Variants in EXD2 observed in about 807,000 individuals in gnomAD.
EXD2 encodes exonuclease 3'-5' domain-containing protein 2.
In EXD2, 40 loss-of-function variants were observed where a neutral mutation model predicts 62.5. That is an observed-to-expected ratio of 0.64 (90% CI 0.50 to 0.83). The LOEUF (loss-of-function observed/expected upper bound fraction) is 0.83, where lower values mean the gene tolerates loss of function less well. EXD2 is among the 40% of genes least tolerant of loss of function. The probability of loss-of-function intolerance (pLI) is 0.00; values close to 1 mark genes in which losing one functional copy is unlikely to be tolerated. For synonymous variants in EXD2, 239 were observed against 291.9 expected, an observed-to-expected ratio of 0.82 and a Z score of 1.85; for missense variants, 671 against 761.8, an observed-to-expected ratio of 0.88 and a Z score of 1.40.
At chr14:69,204,652 G>A (rs1418316473) in intron 2 of EXD2, among the ~76,000 whole-genome samples, 2 of 152,072 alleles carry the variant, frequency 1.3e-5, no homozygotes, top group Non-Finnish European at 2.9e-5. Flanking sequence ...CGAAAAGCTT[G>A]GATCCCAGAG....
intron 4 of EXD2, among the ~76,000 whole-genome samples, chr14:69,229,289 C>T (rs1225616609): frequency 2.6e-5 from 4 of 152,218 alleles, no homozygotes; most frequent in Non-Finnish European, 4.4e-5. Context: ...ACTGAGGGAT[C>T]TCTGTAAGCT....
rs1819570901 is a variant in EXD2, at chr14:69,240,158, G to C, written c.1650-726G>C. Among the ~76,000 whole-genome samples, 3 of 152,218 alleles carry C rather than the reference G, an allele frequency of 2.0e-5. No homozygotes were observed. In the South Asian group the frequency reaches 6.2e-4, roughly 32 times the overall value. On this transcript the variant is annotated intron_variant, in intron 9 of 9. Transcript: ENST00000685843. Reference sequence around the variant, plus strand: ...ATTGAACATGGGGTATGGATGTAGGGAGAGGAGAGTGTGTGTGGGCAGGGT... The same window carrying C: ...ATTGAACATGGGGTATGGATGTAGGCAGAGGAGAGTGTGTGTGGGCAGGGT...
chr14:69,241,228 C>T lies in EXD2; in HGVS notation c.*128C>T. ...ACACAACTCAGAATACTAACCTAGA[C>T]TAATCCCAGGATGCTTCTGCTGGAG... is the stretch of plus-strand genomic sequence containing the variant. On this transcript the variant is annotated 3_prime_UTR_variant, in exon 10 of 10. Coordinates refer to ENST00000685843, the MANE Select transcript of EXD2 (RefSeq NM_001193360.2). 1 of 717,292 alleles carries T rather than the reference C, an allele frequency of 1.4e-6. No homozygotes were observed. The highest frequency in any genetic ancestry group is 2.3e-6 in the Non-Finnish European group (1 of 442,910). 44.4% of individuals were successfully genotyped at this position (717,292 alleles called of 1,614,324 possible). A position where few individuals can be genotyped will look rare whatever the true frequency, so the allele number is the denominator to read the frequency against.
rs535298009 is a variant in EXD2, at chr14:69,243,839, C to A, written c.*2739C>A. 2 of 152,264 alleles carry A rather than the reference C, an allele frequency of 1.3e-5. No individual in the cohort carries two copies. The highest frequency in any genetic ancestry group is 1.3e-4 in the Admixed American group (2 of 15,296). 9.4% of individuals were successfully genotyped at this position (152,264 alleles called of 1,614,324 possible). A position where few individuals can be genotyped will look rare whatever the true frequency, so the allele number is the denominator to read the frequency against. On this transcript the variant is annotated 3_prime_UTR_variant, in exon 10 of 10. Coordinates refer to ENST00000685843, the MANE Select transcript of EXD2 (RefSeq NM_001193360.2). ...TGAGAGGACAGTGTCACAGCAAGGG[C>A]CTCTCTGCATGCTCCCTGATCATTG... is the stretch of plus-strand genomic sequence containing the variant.
intron 1 of EXD2, 168 bp downstream of exon 1, chr14:69,191,759 TCC>T (rs1442510647): frequency 2.0e-5 from 3 of 152,356 alleles, no homozygotes; most frequent in African/African-American, 7.2e-5. Flanking sequence ...CCTGCCCCTC[TCC>T]CCGCCCCTCG....
At chr14:69,237,992 A>C in intron 9 of EXD2, 61 bp downstream of exon 9, 2 of 1,445,680 alleles carry the variant, frequency 1.4e-6, no homozygotes, top group South Asian at 1.4e-5. Context: ...CTTAGTGAGA[A>C]TGCTTGCCAG....
intron 2 of EXD2, among the ~76,000 whole-genome samples, chr14:69,206,747 G>T (rs1274228506): frequency 1.3e-5 from 2 of 152,174 alleles, no homozygotes; most frequent in East Asian, 3.8e-4. Flanking sequence ...CTCCCAAAGT[G>T]CTGGGATTAC....
chr14:69,213,432 G>C (rs555908988), intron 3 of EXD2, among the ~76,000 whole-genome samples: 8 of 129,490 alleles, frequency 6.2e-5, no homozygotes, highest in Admixed American at 5.2e-4. Context: ...GTGCAGTTGT[G>C]TGAGCATGGC....
chr14:69,235,181 A>G, intron 6 of EXD2, 150 bp downstream of exon 6: 1 of 640,180 alleles, frequency 1.6e-6, no homozygotes, highest in Non-Finnish European at 2.6e-6. Flanking sequence ...CATCAGAGAC[A>G]TTTGGTCTCT....
chr14:69,239,769 T>G (rs1020055893), intron 9 of EXD2, among the ~76,000 whole-genome samples: 2 of 152,164 alleles, frequency 1.3e-5, no homozygotes, highest in African/African-American at 4.8e-5. Flanking sequence ...ACACGGCTAA[T>G]TTTTGTATTT....
chr14:69,199,398 G>A (rs956562642), intron 1 of EXD2, among the ~76,000 whole-genome samples: 20 of 152,166 alleles, frequency 1.3e-4, no homozygotes, highest in African/African-American at 4.6e-4. Context: ...TTATAAACAC[G>A]TGTGTATTTA....
chr14:69,207,447 T>C lies in EXD2; in HGVS notation c.-47-1977T>C, dbSNP rs1284795595. On this transcript the variant is annotated intron_variant, in intron 2 of 9. Coordinates refer to ENST00000685843, the MANE Select transcript of EXD2 (RefSeq NM_001193360.2). The stretch of plus-strand genomic sequence containing the variant: ...AGGCGGATACTGCAGTGAGCCGAGA[T>C]CATGCCACTGCACACAGGTCTGGGC... Among the ~76,000 whole-genome samples, 3 of 152,066 alleles carry C rather than the reference T, an allele frequency of 2.0e-5. No homozygotes were observed. The East Asian group carries it at 5.8e-4, about 29-fold the overall frequency.
intron 3 of EXD2, among the ~76,000 whole-genome samples, chr14:69,214,417 C>T (rs1175615352): frequency 1.3e-5 from 2 of 152,278 alleles, no homozygotes; most frequent in East Asian, 1.9e-4. Flanking sequence ...TCATTATATA[C>T]GATTTCTTCT....
In EXD2 at chr14:69,236,097, C is replaced by T; in HGVS notation, c.1101C>T (p.Pro367=). 1 of 1,614,146 alleles carries T rather than the reference C, an allele frequency of 6.2e-7. No homozygotes were observed. The highest frequency in any genetic ancestry group is 8.5e-7 in the Non-Finnish European group (1 of 1,180,036). The change falls in exon 7 of 10, where the codon CCC becomes CCT. Residue 367 remains proline, a synonymous_variant. Transcript: ENST00000685843. ...TTCTCCATGCTCCTGATGGACAGCC[C>T]CTCTGCACTTGTGATAGAAGAAAAG... The part of the protein sequence containing the change: ...NCFLHAPDGQ[P]LCTCDRRKAQ...
At chr14:69,215,411 G>A (rs114696234) in intron 3 of EXD2, among the ~76,000 whole-genome samples, 2,025 of 152,192 alleles carry the variant, frequency 0.013, 41 homozygotes, top group African/African-American at 0.047. Context: ...ATTATTGGGC[G>A]TATGTGTCTA....
intron 3 of EXD2, chr14:69,210,270 A>AAAATAGCT (rs1221205546): frequency 1.3e-5 from 2 of 155,220 alleles, no homozygotes; most frequent in Non-Finnish European, 2.9e-5. Context: ...TGCCGTGGAG[A>AAAATAGCT]AAATAGCTAA....
intron 3 of EXD2, among the ~76,000 whole-genome samples, chr14:69,227,623 G>A (rs749032678): frequency 3.3e-5 from 5 of 152,162 alleles, no homozygotes; most frequent in Non-Finnish European, 7.3e-5. Flanking sequence ...CGAGGCAGAA[G>A]GATCACTTGA....
rs2044038247 is a variant in EXD2, at chr14:69,243,709, G to T, written c.*2609G>T. 1 of 152,132 alleles carries T rather than the reference G, an allele frequency of 6.6e-6. No homozygotes were observed. Among genetic ancestry groups the T allele is most frequent in the Non-Finnish European group, 1.5e-5 (1 of 68,022 alleles). The allele number at this position is 152,132 out of a possible 1,614,324, so 9.4% of individuals were successfully genotyped here. Reference sequence around the variant, plus strand: ...TGTGAAGAGGGGGATTCACATTGCTGGGGCTAAGTACAAATTGACATCACC... The same window carrying T: ...TGTGAAGAGGGGGATTCACATTGCTTGGGCTAAGTACAAATTGACATCACC... On this transcript the variant is annotated 3_prime_UTR_variant, in exon 10 of 10. Coordinates refer to ENST00000685843, the MANE Select transcript of EXD2 (RefSeq NM_001193360.2).
At chr14:69,209,883 A>G (rs1218632201) in intron 3 of EXD2, 80 bp downstream of exon 3, 26 of 1,185,836 alleles carry the variant, frequency 2.2e-5, no homozygotes, top group Non-Finnish European at 2.8e-5. Context: ...ACAGTCAAGT[A>G]GAAAATAAGG....
Sources: gnomAD v4.1 joint callset for allele counts (sites outside exome capture counted in the v4.1 genomes callset) on GRCh38, gnomAD v4.1.1 for gene constraint, MANE v1.5 for transcripts, NCBI Gene and HGNC (gene_info 2026-07-23, HGNC 2026-07-21) for gene names.